Variants in TRIM55 observed in about 807,000 individuals in gnomAD.
TRIM55 encodes tripartite motif containing 55, also known as tripartite motif-containing protein 55.
In TRIM55, 50 loss-of-function variants were observed where a neutral mutation model predicts 60.9. The ratio of observed to expected loss-of-function variants is 0.82; its 90% CI spans 0.65 to 1.04. TRIM55 has a LOEUF of 1.04. Ranked by LOEUF, TRIM55 falls within the 50% of genes least tolerant of loss-of-function variation. The pLI is 0.00. For synonymous variants in TRIM55, 237 were observed against 238.1 expected, an observed-to-expected ratio of 1.00 and a Z score of 0.04; for missense variants, 681 against 666.9, an observed-to-expected ratio of 1.02 and a Z score of -0.23.
chr8:66,134,299 G>T (rs920278982), intron 2 of TRIM55, among the ~76,000 whole-genome samples: 2 of 152,156 alleles, frequency 1.3e-5, no homozygotes, highest in Non-Finnish European at 2.9e-5. Flanking sequence ...CATTAGATAG[G>T]ATATATCAGA....
intron 1 of TRIM55, 26 bp downstream of exon 1, chr8:66,127,462 G>A: frequency 6.2e-7 from 1 of 1,611,264 alleles, no homozygotes; most frequent in Non-Finnish European, 8.5e-7. Flanking sequence ...ATTTGGTTGA[G>A]GGGAGGGGGT....
chr8:66,134,896 G>A lies in TRIM55; in HGVS notation c.342-94G>A, dbSNP rs568874972. Reference sequence around the variant, plus strand: ...AGAATTGCTGGGCATACAGGGAAGAGAAGGAATTTGCAAGGCAGAGCAACA... The same window carrying A: ...AGAATTGCTGGGCATACAGGGAAGAAAAGGAATTTGCAAGGCAGAGCAACA... On this transcript the variant is annotated intron_variant, in intron 2 of 9. Coordinates refer to ENST00000315962, the MANE Select transcript of TRIM55 (RefSeq NM_184085.2). 139 of 1,347,542 alleles carry A rather than the reference G, an allele frequency of 1.0e-4. No individual in the cohort carries two copies. The East Asian group carries it at 3.2e-3, about 31-fold the overall frequency. 83.5% of individuals were successfully genotyped at this position (1,347,542 alleles called of 1,614,324 possible). A position where few individuals can be genotyped will look rare whatever the true frequency, so the allele number is the denominator to read the frequency against.
In TRIM55 at chr8:66,137,213, C is replaced by A. The variant is rs368391324; in HGVS notation, c.603+23C>A. On this transcript the variant is annotated intron_variant, in intron 4 of 9. Transcript: ENST00000315962. ...GAGGTGAGTCAGGTGACTCCCACAG[C>A]GTCTCAACCAAGCCTGCAATGCCTG... The A allele has an allele frequency of 9.8e-5, 155 of 1,589,492 alleles. 2 individuals carry two copies. In the South Asian group the frequency reaches 1.6e-3, roughly 16 times the overall value.
chr8:66,119,800 C>T, the TRIM55 span, among the ~76,000 whole-genome samples: 4 of 152,336 alleles, frequency 2.6e-5, no homozygotes, highest in Non-Finnish European at 4.4e-5. Context: ...ATAATAACCA[C>T]TATCCACATG....
chr8:66,171,853 T>C (rs1811655988), intron 9 of TRIM55, among the ~76,000 whole-genome samples: 1 of 152,234 alleles, frequency 6.6e-6, no homozygotes, highest in African/African-American at 2.4e-5. Flanking sequence ...CTCTTGGAGA[T>C]ACACTGGACA....
At chr8:66,113,356 A>C in the TRIM55 span, 4 of 366,726 alleles carry the variant, frequency 1.1e-5, 1 homozygote, top group South Asian at 6.0e-5. Context: ...ACGCCGACAC[A>C]CGTACACGTC....
intron 9 of TRIM55, among the ~76,000 whole-genome samples, chr8:66,155,407 A>G (rs1810681923): frequency 6.6e-6 from 1 of 152,228 alleles, no homozygotes; most frequent in Non-Finnish European, 1.5e-5. Context: ...TAGGTAAAAG[A>G]TGCAGTAGAC....
intron 4 of TRIM55, among the ~76,000 whole-genome samples, chr8:66,139,180 G>A (rs748453761): frequency 6.6e-6 from 1 of 152,202 alleles, no homozygotes; most frequent in Non-Finnish European, 1.5e-5. Context: ...CCGTGAATCA[G>A]CACTCCAGGG....
rs772576832 is a variant in TRIM55 at position 66,135,052 on chromosome 8, A to G, written c.404A>G (p.Tyr135Cys). 1.2e-6 allele frequency: 2 copies of G among 1,614,162 alleles called. No homozygotes were observed. Among genetic ancestry groups the G allele is most frequent in the Admixed American group, 3.3e-5 (2 of 60,028 alleles). ...CATGAAGAGGAGCGCATCAACATCT[A>G]CTGTCTGAACTGCGAAGTACCCACC... Reference protein sequence around the residue: ...EEHEEERINIYCLNCEVPTCS... With the variant: ...EEHEEERINICCLNCEVPTCS... The change falls in exon 3 of 10, where the codon TAC becomes TGC. Residue 135 changes from tyrosine (Y) to cysteine (C), a missense_variant. Tyr to Cys is a radical substitution (Grantham distance 194). Transcript: ENST00000315962.
the TRIM55 span, chr8:66,113,723 C>T: frequency 5.3e-6 from 2 of 374,288 alleles, no homozygotes; most frequent in South Asian, 3.9e-5. Flanking sequence ...CCGTCTTTGG[C>T]ATTGCCCGGG....
At chr8:66,155,530 G>A (rs888589216) in intron 9 of TRIM55, 37 of 945,410 alleles carry the variant, frequency 3.9e-5, no homozygotes, top group Non-Finnish European at 5.2e-5. Context: ...GCACGTAGTA[G>A]GGCTCAAGCC....
At chr8:66,150,108 T>G (rs568848577) in intron 5 of TRIM55, 109 bp from the exon 6 acceptor site, 2 of 1,326,704 alleles carry the variant, frequency 1.5e-6, no homozygotes, top group South Asian at 2.7e-5. Flanking sequence ...TTTATGACAT[T>G]TAGAAACTAA....
the TRIM55 span, among the ~76,000 whole-genome samples, chr8:66,117,754 C>G: frequency 2.0e-5 from 3 of 152,050 alleles, no homozygotes; most frequent in African/African-American, 7.2e-5. Context: ...GTGAAACCAA[C>G]GTTTGGGGTT....
At chr8:66,129,891 T>C (rs1169817271) in intron 2 of TRIM55, among the ~76,000 whole-genome samples, 1 of 152,220 alleles carries the variant, frequency 6.6e-6, no homozygotes, top group Non-Finnish European at 1.5e-5. Context: ...TTGCACAGAA[T>C]AGTTGCTCCA....
At chr8:66,113,632 G>A in the TRIM55 span, 1 of 455,286 alleles carries the variant, frequency 2.2e-6, no homozygotes, top group Admixed American at 2.4e-5. Context: ...GCGGGAACGT[G>A]TCCGGGCAGG....
chr8:66,154,566 A>G (rs1244838945), intron 9 of TRIM55, among the ~76,000 whole-genome samples: 2 of 152,196 alleles, frequency 1.3e-5, no homozygotes, highest in Non-Finnish European at 2.9e-5. Context: ...GTGACCTCAC[A>G]CCTGGCTTCC....
chr8:66,167,360 C>T (rs7350113), intron 9 of TRIM55, among the ~76,000 whole-genome samples: 3,860 of 152,224 alleles, frequency 0.025, 69 homozygotes, highest in Non-Finnish European at 0.041. Context: ...CTTCACAATC[C>T]AGTTCTTTTT....
chr8:66,162,260 G>A (rs1396879032), intron 9 of TRIM55, among the ~76,000 whole-genome samples: 1 of 152,040 alleles, frequency 6.6e-6, no homozygotes, highest in Non-Finnish European at 1.5e-5. Flanking sequence ...TGCTTTTTCT[G>A]CATCTGTTGA....
At chr8:66,129,838 A>G (rs1180243882) in intron 2 of TRIM55, among the ~76,000 whole-genome samples, 1 of 152,238 alleles carries the variant, frequency 6.6e-6, no homozygotes, top group Non-Finnish European at 1.5e-5. Context: ...ACCTAATATT[A>G]AGAGAGTTTA....
Sources: gnomAD v4.1 joint callset for allele counts (sites outside exome capture counted in the v4.1 genomes callset) on GRCh38, gnomAD v4.1.1 for gene constraint, MANE v1.5 for transcripts, NCBI Gene and HGNC (gene_info 2026-07-23, HGNC 2026-07-21) for gene names.